The following MSH4 variants were observed in gnomAD, a reference collection of about 807,000 sequenced individuals.
MSH4 encodes mutS protein homolog 4.
A neutral mutation model predicts 113.7 loss-of-function variants in MSH4; 106 were observed. The ratio of observed to expected loss-of-function variants is 0.93; its 90% CI spans 0.80 to 1.10. The LOEUF (loss-of-function observed/expected upper bound fraction) is 1.10. MSH4 is among the 50% of genes least tolerant of loss of function. The pLI is 0.00. For missense variants in MSH4, 1,061 were observed against 1,093.7 expected (o/e 0.97, Z 0.42); for synonymous variants, 368 against 380.2 (o/e 0.97, Z 0.37).
In MSH4 at chr1:75,889,307, A is replaced by C; in HGVS notation, c.2164A>C (p.Arg722=). 1 of 1,544,906 alleles carries C rather than the reference A, an allele frequency of 6.5e-7. No individual in the cohort carries two copies. Among genetic ancestry groups the C allele is most frequent in the East Asian group, 2.3e-5 (1 of 42,846 alleles). Residue 722 remains arginine (R), a synonymous_variant, in exon 16 of 20, where the codon AGA becomes CGA. Coordinates refer to ENST00000263187, the MANE Select transcript of MSH4 (RefSeq NM_002440.4). ...SFRIAKQIFT[R]ISTDDDIETN... ...TAGAATTGCTAAACAGATTTTTACA[A>C]GAATTAGTACTGATGATGATATCGA...
chr1:75,834,308 A>G (rs1650778201), intron 7 of MSH4, among the ~76,000 whole-genome samples: 1 of 152,244 alleles, frequency 6.6e-6, no homozygotes, highest in Admixed American at 6.5e-5. Context: ...GTGGAGAAAT[A>G]AGAATGCTTT....
At chr1:75,864,807 G>C (rs1482009837) in intron 8 of MSH4, among the ~76,000 whole-genome samples, 1 of 152,106 alleles carries the variant, frequency 6.6e-6, no homozygotes, top group African/African-American at 2.4e-5. Context: ...TTGTGGGATA[G>C]ATGCTGTTGG....
intron 7 of MSH4, among the ~76,000 whole-genome samples, chr1:75,833,071 A>G (rs140735987): frequency 0.034 from 5,211 of 152,312 alleles, 116 homozygotes; most frequent in Non-Finnish European, 0.055. Flanking sequence ...TAAGCTGATA[A>G]GCAACTTCAG....
intron 16 of MSH4, 109 bp downstream of exon 16, chr1:75,889,478 CT>C (rs1652203199): frequency 3.9e-6 from 2 of 514,474 alleles, no homozygotes; most frequent in Non-Finnish European, 7.0e-6. Context: ...TGCTTATACC[CT>C]TTTCTAAGAG....
intron 8 of MSH4, among the ~76,000 whole-genome samples, chr1:75,854,479 C>A (rs1223111250): frequency 6.6e-6 from 1 of 152,130 alleles, no homozygotes; most frequent in Non-Finnish European, 1.5e-5. Flanking sequence ...TCTTCTCTTG[C>A]ATGAATAACC....
Position 75,907,759 on chromosome 1 carries a change from G to GTT in MSH4, c.2620-4929_2620-4928dup, listed in dbSNP as rs149333036. 6.5e-3 allele frequency among the ~76,000 whole-genome samples: 825 copies of GTT among 127,348 alleles called. 11 individuals are homozygous for GTT. Among genetic ancestry groups the GTT allele is most frequent in the African/African-American group, 0.023 (772 of 33,498 alleles). 83.5% of individuals were successfully genotyped at this position (127,348 alleles called of 152,430 possible). On this transcript the variant is annotated intron_variant, in intron 19 of 19. Coordinates refer to ENST00000263187, the MANE Select transcript of MSH4 (RefSeq NM_002440.4). ...AGGCTGTCTTTATTCCTTTCATTCT[G>GTT]TTTTTTTTTCCCTCTGACTATATCT...
chr1:75,857,094 A>G (rs1651336440), intron 8 of MSH4, among the ~76,000 whole-genome samples: 1 of 152,018 alleles, frequency 6.6e-6, no homozygotes, highest in South Asian at 2.1e-4. Flanking sequence ...TTCTTTTGAG[A>G]ATTGTCTGTT....
At chr1:75,878,347 G>A in intron 11 of MSH4, 29 bp downstream of exon 11, 3 of 1,540,802 alleles carry the variant, frequency 1.9e-6, no homozygotes, top group South Asian at 1.2e-5. Flanking sequence ...AATGTTTTTT[G>A]TAGGGATAAA....
At chr1:75,862,716 T>C (rs1002002398) in intron 8 of MSH4, among the ~76,000 whole-genome samples, 1 of 152,186 alleles carries the variant, frequency 6.6e-6, no homozygotes, top group African/African-American at 2.4e-5. Flanking sequence ...AATCTCTTAA[T>C]TGAATACAGT....
Position 75,887,551 on chromosome 1 carries a change from G to A in MSH4, c.2108-1700G>A, listed in dbSNP as rs79324496. 7.1e-3 allele frequency among the ~76,000 whole-genome samples: 1,074 copies of A among 152,116 alleles called. 13 individuals are homozygous for A. The highest frequency in any genetic ancestry group is 0.025 in the African/African-American group (1,019 of 41,480). On this transcript the variant is annotated intron_variant, in intron 15 of 19. Transcript: ENST00000263187. ...TTCACGTTTATCTGCCTGGAAACTG[G>A]AAGTGTTATCTGGTTAACACTCATA...
rs1651908800 is a variant in MSH4, at chr1:75,880,546, A to G, written c.1781+393A>G. On this transcript the variant is annotated intron_variant, in intron 13 of 19. Coordinates refer to ENST00000263187, the MANE Select transcript of MSH4 (RefSeq NM_002440.4). The stretch of plus-strand genomic sequence containing the variant: ...CTTTTGCTGGTCATGAAATAGTAGC[A>G]ATACAGCCAGAAAGAAGAAGTAGAA... 2.0e-5 allele frequency among the ~76,000 whole-genome samples: 3 copies of G among 152,038 alleles called. No individual in the cohort carries two copies. The South Asian group carries it at 6.2e-4, about 31-fold the overall frequency.
chr1:75,867,703 T>A, intron 9 of MSH4, 115 bp downstream of exon 9: 1 of 644,738 alleles, frequency 1.6e-6, no homozygotes, highest in Non-Finnish European at 2.7e-6. Flanking sequence ...ATTTCCCATA[T>A]TTTTTTTCTT....
intron 4 of MSH4, 33 bp downstream of exon 4, chr1:75,810,840 A>T (rs1392964445): frequency 3.1e-6 from 3 of 960,580 alleles, no homozygotes; most frequent in Non-Finnish European, 4.7e-6. Context: ...AACATTCAAG[A>T]TCTAATCACT....
chr1:75,885,508 A>G (rs12748741), intron 15 of MSH4, among the ~76,000 whole-genome samples: 86,187 of 115,356 alleles, frequency 0.75, 32,537 homozygotes, highest in East Asian at 0.99. Context: ...ATATATATAC[A>G]TATAACCTTC....
At chr1:75,809,720 G>A (rs1043207152) in intron 3 of MSH4, among the ~76,000 whole-genome samples, 3 of 147,374 alleles carry the variant, frequency 2.0e-5, no homozygotes, top group Non-Finnish European at 4.4e-5. Flanking sequence ...GACTCACTGC[G>A]ACCTCTGCCT....
At chr1:75,814,503 A>G (rs1650255335) in intron 4 of MSH4, among the ~76,000 whole-genome samples, 1 of 151,904 alleles carries the variant, frequency 6.6e-6, no homozygotes, top group Non-Finnish European at 1.5e-5. Context: ...AAATAAATTC[A>G]ATTCACTTTA....
At chr1:75,873,276 G>T (rs560355335) in intron 9 of MSH4, among the ~76,000 whole-genome samples, 2 of 152,092 alleles carry the variant, frequency 1.3e-5, no homozygotes, top group African/African-American at 4.8e-5. Context: ...TCCTCCAGCT[G>T]CAATTTTCAT....
intron 4 of MSH4, among the ~76,000 whole-genome samples, 163 bp from the exon 5 acceptor site, chr1:75,814,858 A>T (rs1144339): frequency 6.6e-6 from 1 of 152,126 alleles, no homozygotes; most frequent in Non-Finnish European, 1.5e-5. Flanking sequence ...ACTTAGCAAG[A>T]ATAATCATTC....
chr1:75,869,255 A>C (rs367818244), intron 9 of MSH4, among the ~76,000 whole-genome samples: 1 of 152,098 alleles, frequency 6.6e-6, no homozygotes, highest in South Asian at 2.1e-4. Flanking sequence ...TTTGAACTTG[A>C]GAGAGAGGGT....
Sources: gnomAD v4.1 joint callset for allele counts (sites outside exome capture counted in the v4.1 genomes callset) on GRCh38, gnomAD v4.1.1 for gene constraint, MANE v1.5 for transcripts, NCBI Gene and HGNC (gene_info 2026-07-23, HGNC 2026-07-21) for gene names.